The following PAG1 variants were observed in gnomAD, a reference collection of about 807,000 sequenced individuals.
PAG1 encodes the protein phosphoprotein associated with glycosphingolipid-enriched microdomains 1.
In PAG1, 23 loss-of-function variants were observed where a neutral mutation model predicts 31.7. The observed-to-expected ratio is 0.73, with a 90% CI of 0.52 to 1.03. PAG1 has a LOEUF of 1.03. PAG1 is among the 50% of genes least tolerant of loss of function. The probability of loss-of-function intolerance (pLI) is 0.00; values close to 1 mark genes in which losing one functional copy is unlikely to be tolerated. For synonymous variants in PAG1, 214 were observed against 210.3 expected (o/e 1.02, Z -0.15); for missense variants, 473 against 540.7 (o/e 0.87, Z 1.24).
chr8:81,102,617 T>C (rs576117665), intron 1 of PAG1, among the ~76,000 whole-genome samples: 1 of 152,296 alleles, frequency 6.6e-6, no homozygotes, highest in South Asian at 2.1e-4. Context: ...GCCACAACAT[T>C]CTATGTACTT....
chr8:81,083,119 TG>T (rs1365347426), intron 1 of PAG1, among the ~76,000 whole-genome samples: 1 of 152,196 alleles, frequency 6.6e-6, no homozygotes, highest in Non-Finnish European at 1.5e-5. Flanking sequence ...TCCTGATTAC[TG>T]GGGTAGAATC....
At chr8:80,986,543 G>C (rs1369045933) in intron 6 of PAG1, among the ~76,000 whole-genome samples, 1 of 152,170 alleles carries the variant, frequency 6.6e-6, no homozygotes, top group Non-Finnish European at 1.5e-5. Context: ...AGACTGCCTG[G>C]TTCCAACTAC....
intron 1 of PAG1, among the ~76,000 whole-genome samples, chr8:81,104,901 C>T (rs1227430736): frequency 1.3e-5 from 2 of 152,126 alleles, no homozygotes; most frequent in Non-Finnish European, 2.9e-5. Flanking sequence ...ATATGGCCCA[C>T]AAGACCCTCC....
At chr8:81,006,064 T>C (rs1397752527) in intron 3 of PAG1, among the ~76,000 whole-genome samples, 1 of 152,176 alleles carries the variant, frequency 6.6e-6, no homozygotes, top group African/African-American at 2.4e-5. Context: ...CACCTTAGCC[T>C]CCCAAGTACC....
Position 80,968,925 on chromosome 8 carries a change from T to G in PAG1, c.*7619A>C, listed in dbSNP as rs10088860. ...CTGAGACACACAGGGGCAGCAAGTC[T>G]GAATTTTGCTCTCATCTCTGCTCCC... On this transcript the variant is annotated 3_prime_UTR_variant, in exon 9 of 9. Transcript: ENST00000220597. The G allele has an allele frequency of 6.6e-6, 1 of 152,070 alleles. No individual in the cohort carries two copies. Among genetic ancestry groups the G allele is most frequent in the Non-Finnish European group, 1.5e-5 (1 of 68,018 alleles). 9.4% of individuals were successfully genotyped at this position (152,070 alleles called of 1,614,324 possible).
At chr8:81,107,410 T>C (rs1221439150) in intron 1 of PAG1, among the ~76,000 whole-genome samples, 1 of 152,192 alleles carries the variant, frequency 6.6e-6, no homozygotes, top group Non-Finnish European at 1.5e-5. Flanking sequence ...CAATAGAGTT[T>C]AGCTATCACA....
intron 3 of PAG1, among the ~76,000 whole-genome samples, chr8:81,013,940 T>G (rs1000092408): frequency 6.6e-6 from 1 of 152,196 alleles, no homozygotes. Context: ...AGTGCCAGTA[T>G]AAAGAACCAT....
chr8:81,002,911 C>G (rs1264979495), intron 3 of PAG1, among the ~76,000 whole-genome samples: 1 of 152,110 alleles, frequency 6.6e-6, no homozygotes. Context: ...AAATATATGT[C>G]CAGAGCTTAT....
chr8:81,019,846 G>A (rs2130726687), intron 3 of PAG1, among the ~76,000 whole-genome samples: 1 of 152,298 alleles, frequency 6.6e-6, no homozygotes, highest in African/African-American at 2.4e-5. Flanking sequence ...TCCACTGACA[G>A]CTTGCCCTGT....
At chr8:81,042,656 T>G (rs1586183690) in intron 2 of PAG1, among the ~76,000 whole-genome samples, 1 of 150,088 alleles carries the variant, frequency 6.7e-6, no homozygotes, top group African/African-American at 2.5e-5. Flanking sequence ...GAAAGGGGGG[T>G]GAGGAAGGGA....
At chr8:81,022,479 A>G (rs76601749) in intron 3 of PAG1, among the ~76,000 whole-genome samples, 1,740 of 152,284 alleles carry the variant, frequency 0.011, 34 homozygotes, top group African/African-American at 0.04. Context: ...GTCATTCTGA[A>G]TTGTTAGCCA....
chr8:80,993,581 G>A (rs1481589587), intron 3 of PAG1, among the ~76,000 whole-genome samples: 1 of 150,670 alleles, frequency 6.6e-6, no homozygotes, highest in Non-Finnish European at 1.5e-5. Context: ...ATATGTTTGG[G>A]GGTGGATTCT....
intron 2 of PAG1, among the ~76,000 whole-genome samples, chr8:81,034,520 C>G (rs899708505): frequency 6.6e-6 from 1 of 152,170 alleles, no homozygotes; most frequent in African/African-American, 2.4e-5. Context: ...ATAAACAAAA[C>G]TTAGACCTGC....
chr8:81,033,827 C>T (rs1176694439), intron 2 of PAG1, among the ~76,000 whole-genome samples: 3 of 152,224 alleles, frequency 2.0e-5, no homozygotes, highest in Admixed American at 6.5e-5. Context: ...GAGATGGGCA[C>T]CTGACAGATG....
intron 1 of PAG1, among the ~76,000 whole-genome samples, chr8:81,099,689 GA>G (rs1331417760): frequency 6.6e-6 from 1 of 152,228 alleles, no homozygotes. Context: ...GCAAGCAATA[GA>G]AAGATTGGTG....
intron 1 of PAG1, among the ~76,000 whole-genome samples, chr8:81,094,013 C>A (rs1228096677): frequency 6.6e-6 from 1 of 152,180 alleles, no homozygotes; most frequent in African/African-American, 2.4e-5. Context: ...ACCCTGCAGT[C>A]TGCTGTGGGG....
chr8:81,081,944 G>A (rs578085941), intron 1 of PAG1, among the ~76,000 whole-genome samples: 1 of 152,138 alleles, frequency 6.6e-6, no homozygotes, highest in Non-Finnish European at 1.5e-5. Context: ...ATGCTGAGGA[G>A]TGATATTGCT....
rs748636235 is a variant in PAG1 at position 80,980,499 on chromosome 8, C to T, written c.877-5G>A. 6.9e-6 allele frequency: 11 copies of T among 1,588,914 alleles called. No individual in the cohort carries two copies. Among genetic ancestry groups the T allele is most frequent in the Middle Eastern group, 1.7e-4 (1 of 6,026 alleles). On this transcript the variant is annotated splice_region_variant and splice_polypyrimidine_tract_variant and intron_variant, in intron 7 of 8. Transcript: ENST00000220597. ...GTATGACAATGAGCTAAATCTCTGT[C>T]AGAACAAACACAAGCCAAGGAAAGT...
At chr8:81,021,333 A>C (rs1203997364) in intron 3 of PAG1, among the ~76,000 whole-genome samples, 2 of 151,984 alleles carry the variant, frequency 1.3e-5, no homozygotes, top group Non-Finnish European at 2.9e-5. Context: ...TATTATTAAC[A>C]ACTTACGTCA....
Sources: gnomAD v4.1 joint callset for allele counts (sites outside exome capture counted in the v4.1 genomes callset) on GRCh38, gnomAD v4.1.1 for gene constraint, MANE v1.5 for transcripts, NCBI Gene and HGNC (gene_info 2026-07-23, HGNC 2026-07-21) for gene names.